ANKRD26: variants seen among roughly 807,000 people sequenced by gnomAD.
ANKRD26 encodes ankyrin repeat domain-containing protein 26.
A neutral mutation model predicts 208.7 loss-of-function variants in ANKRD26; 141 were observed. The ratio of observed to expected loss-of-function variants is 0.68; its 90% CI spans 0.59 to 0.78. The LOEUF (loss-of-function observed/expected upper bound fraction) is 0.78. ANKRD26 is among the 30% of genes least tolerant of loss of function. The pLI is 0.00. For synonymous variants in ANKRD26, 636 were observed against 660.4 expected, an observed-to-expected ratio of 0.96 and a Z score of 0.57; for missense variants, 1,889 against 1,938.7, an observed-to-expected ratio of 0.97 and a Z score of 0.48.
At chr10:27,060,207 A>G in intron 15 of ANKRD26, 138 bp downstream of exon 15, 1 of 769,946 alleles carries the variant, frequency 1.3e-6, no homozygotes, top group East Asian at 2.9e-5. Flanking sequence ...GGTCTCAATT[A>G]AAAAAAAATT....
chr10:26,991,173 G>A (rs1354390205), downstream of ANKRD26, among the ~76,000 whole-genome samples: 1 of 152,168 alleles, frequency 6.6e-6, no homozygotes, highest in Non-Finnish European at 1.5e-5. Flanking sequence ...TCGTCCCATC[G>A]TTTAGGGTGA....
chr10:27,061,509 T>A (rs531174231), intron 12 of ANKRD26, among the ~76,000 whole-genome samples: 4 of 151,960 alleles, frequency 2.6e-5, no homozygotes, highest in Non-Finnish European at 5.9e-5. Context: ...AAAAAGCCAA[T>A]GCTTCTATAT....
intron 5 of ANKRD26, among the ~76,000 whole-genome samples, chr10:26,993,422 C>G (rs187507007): frequency 1.3e-5 from 2 of 152,242 alleles, no homozygotes; most frequent in East Asian, 3.9e-4. Flanking sequence ...TCACCATTGG[C>G]CCTTTGTGTG....
intron 16 of ANKRD26, among the ~76,000 whole-genome samples, chr10:27,050,797 C>A (rs1005334275): frequency 6.6e-6 from 1 of 152,258 alleles, no homozygotes; most frequent in Non-Finnish European, 1.5e-5. Flanking sequence ...CAAGGTCACA[C>A]GGTATATGGC....
chr10:27,018,450 T>C (rs2053379363), intron 29 of ANKRD26, among the ~76,000 whole-genome samples: 1 of 152,072 alleles, frequency 6.6e-6, no homozygotes, highest in South Asian at 2.1e-4. Flanking sequence ...TGCCCTATAA[T>C]TTCTAAAGAA....
At position 27,035,643 on chromosome 10, in the gene ANKRD26, T is replaced by C. The variant is rs2135193343; in HGVS notation, c.2807A>G (p.Gln936Arg). 1 of 1,589,950 alleles carries C rather than the reference T, an allele frequency of 6.3e-7. No individual in the cohort carries two copies. Among genetic ancestry groups the C allele is most frequent in the Admixed American group, 1.9e-5 (1 of 53,998 alleles). Residue 936 changes from glutamine to arginine, a missense_variant, in exon 24 of 34, where the codon CAG becomes CGG. Gln to Arg is a conservative substitution (Grantham distance 43). Around this residue, in one of 3 missense-constraint regions of ANKRD26, gnomAD observed 1,272 missense variants for 1,273.8 expected, o/e 1.00. Coordinates refer to ENST00000376087, the MANE Select transcript of ANKRD26 (RefSeq NM_014915.3). Reference sequence around the variant, plus strand: ...CTCAAAACATTTCTTTTCTTTTTCCTGGTTTTGATTTTTTATTGTGTCTAT... The same window carrying C: ...CTCAAAACATTTCTTTTCTTTTTCCCGGTTTTGATTTTTTATTGTGTCTAT... ...LEIDTIKNQN[Q>R]EKEKKCFEDL...
At chr10:27,036,450 A>G (rs2054048550) in intron 23 of ANKRD26, among the ~76,000 whole-genome samples, 1 of 152,084 alleles carries the variant, frequency 6.6e-6, no homozygotes, top group Admixed American at 6.5e-5. Flanking sequence ...ATTTAAATAC[A>G]AAAGAAGCCT....
chr10:27,077,697 G>C lies in ANKRD26; in HGVS notation c.814-4C>G. On this transcript the variant is annotated splice_region_variant and splice_polypyrimidine_tract_variant and intron_variant, in intron 7 of 33. Transcript: ENST00000376087. Reference sequence around the variant, plus strand: ...CTAAGCTTGGTTTTGGGACATTCTAGAAAACAAAAATAAGAATAACAAGTT... The same window carrying C: ...CTAAGCTTGGTTTTGGGACATTCTACAAAACAAAAATAAGAATAACAAGTT... 1 of 1,609,622 alleles carries C rather than the reference G, an allele frequency of 6.2e-7. No individual in the cohort carries two copies. Among genetic ancestry groups the C allele is most frequent in the Middle Eastern group, 2.0e-4 (1 of 5,022 alleles).
chr10:27,059,965 C>T (rs139244880), intron 15 of ANKRD26, among the ~76,000 whole-genome samples: 5 of 151,032 alleles, frequency 3.3e-5, no homozygotes, highest in Non-Finnish European at 7.4e-5. Flanking sequence ...TTTGGGAGGC[C>T]GAGGCGGGTG....
At chr10:26,979,293 C>T (rs1376070891) in intron 5 of ANKRD26, among the ~76,000 whole-genome samples, 1 of 152,158 alleles carries the variant, frequency 6.6e-6, no homozygotes, top group African/African-American at 2.4e-5. Flanking sequence ...TGAAGGATAT[C>T]AAGCCAAATG....
intron 18 of ANKRD26, among the ~76,000 whole-genome samples, chr10:27,045,171 C>G (rs1467614305): frequency 6.6e-6 from 1 of 152,196 alleles, no homozygotes; most frequent in Non-Finnish European, 1.5e-5. Context: ...CGCCTGTAAT[C>G]TCAGCACTTT....
At chr10:27,051,125 AT>A in intron 16 of ANKRD26, 1 of 1,288,540 alleles carries the variant, frequency 7.8e-7, no homozygotes. Context: ...TGCCTATCTC[AT>A]TTTTAAACCT....
intron 5 of ANKRD26, among the ~76,000 whole-genome samples, chr10:27,083,779 T>G (rs974763669): frequency 3.3e-5 from 5 of 152,194 alleles, no homozygotes; most frequent in African/African-American, 1.2e-4. Context: ...GCCAGCAAAC[T>G]AGAGGCCACA....
At chr10:26,986,719 A>G (rs1187736247) in intron 3 of ANKRD26, among the ~76,000 whole-genome samples, 1 of 152,234 alleles carries the variant, frequency 6.6e-6, no homozygotes, top group African/African-American at 2.4e-5. Flanking sequence ...GCAAATCAAA[A>G]CCACAATGAG....
intron 5 of ANKRD26, among the ~76,000 whole-genome samples, chr10:27,085,439 T>C (rs1406508083): frequency 6.6e-6 from 1 of 152,202 alleles, no homozygotes; most frequent in Non-Finnish European, 1.5e-5. Flanking sequence ...ATGTATCTCA[T>C]TCTATTTCAA....
Position 27,081,882 on chromosome 10 carries a change from G to A in ANKRD26, c.740+921C>T, listed in dbSNP as rs746358256. Among the ~76,000 whole-genome samples the A allele has an allele frequency of 1.3e-4, 19 of 151,724 alleles. No individual in the cohort carries two copies. In the South Asian group the frequency reaches 1.9e-3, roughly 15 times the overall value. ...CCTCCTGAGTACTGGGACTATAGGCGTGCGCCACCACGCCTGGCTAATTCT... is the reference window on the plus strand; with the variant it reads ...CCTCCTGAGTACTGGGACTATAGGCATGCGCCACCACGCCTGGCTAATTCT... On this transcript the variant is annotated intron_variant, in intron 6 of 33. Transcript: ENST00000376087.
At chr10:27,086,775 T>G (rs983857394) in intron 4 of ANKRD26, among the ~76,000 whole-genome samples, 166 bp from the exon 5 acceptor site, 267 of 141,170 alleles carry the variant, frequency 1.9e-3, no homozygotes, top group African/African-American at 6.6e-3. Context: ...TTTGTTTTTT[T>G]TTTTTTTTTT....
chr10:27,063,519 C>T (rs764946718), intron 12 of ANKRD26, among the ~76,000 whole-genome samples: 1 of 152,062 alleles, frequency 6.6e-6, no homozygotes, highest in Non-Finnish European at 1.5e-5. Context: ...CAGGGTTTCA[C>T]CATGTTGGCC....
At chr10:27,055,342 G>A (rs2054802537) in intron 15 of ANKRD26, among the ~76,000 whole-genome samples, 1 of 152,136 alleles carries the variant, frequency 6.6e-6, no homozygotes, top group Non-Finnish European at 1.5e-5. Flanking sequence ...AGAAATGAGA[G>A]CAAACAAGCA....
Sources: gnomAD v4.1 joint callset for allele counts (sites outside exome capture counted in the v4.1 genomes callset) on GRCh38, gnomAD v4.1.1 for gene constraint, gnomAD v4.1.1 regional missense constraint, MANE v1.5 for transcripts, NCBI Gene and HGNC (gene_info 2026-07-23, HGNC 2026-07-21) for gene names.